The following HNRNPM variants were observed in gnomAD, a reference collection of about 807,000 sequenced individuals.
HNRNPM encodes the protein CEA receptor.
A neutral mutation model predicts 73.1 loss-of-function variants in HNRNPM; 11 were observed. The observed-to-expected ratio is 0.15, with a 90% CI of 0.09 to 0.25. HNRNPM has a LOEUF of 0.25. Ranked by LOEUF, HNRNPM falls within the 10% of genes least tolerant of loss-of-function variation. The pLI is 1.00. For synonymous variants in HNRNPM, 407 were observed against 355.2 expected (o/e 1.15, Z -1.64); for missense variants, 789 against 1,067.9 (o/e 0.74, Z 3.64).
At chr19:8,461,442 A>AT (rs929512786) in intron 2 of HNRNPM, among the ~76,000 whole-genome samples, 4 of 152,246 alleles carry the variant, frequency 2.6e-5, no homozygotes, top group Middle Eastern at 3.4e-3. Context: ...ACAAAAGCCC[A>AT]TTTTTTGCCT....
At chr19:8,458,674 A>G (rs1207256037) in intron 2 of HNRNPM, among the ~76,000 whole-genome samples, 3 of 152,258 alleles carry the variant, frequency 2.0e-5, no homozygotes, top group Non-Finnish European at 2.9e-5. Context: ...AGTCAGTTCA[A>G]CTTGTGTAAG....
Position 8,485,992 on chromosome 19 carries a change from A to G in HNRNPM, c.1564A>G (p.Ile522Val), listed in dbSNP as rs373994547. 2.5e-6 allele frequency: 4 copies of G among 1,602,532 alleles called. No individual in the cohort carries two copies. The highest frequency in any genetic ancestry group is 1.1e-5 in the South Asian group (1 of 91,032). ...TGGCGTGGAGCGCATGGGCCCTGCCATCGAGCGCATGGGCCTGAGCATGGA... is the reference window on the plus strand; with the variant it reads ...TGGCGTGGAGCGCATGGGCCCTGCCGTCGAGCGCATGGGCCTGAGCATGGA... ...GSGVERMGPA[I>V]ERMGLSMERM... Residue 522 changes from isoleucine to valine, a missense_variant, in exon 14 of 16, where the codon ATC (isoleucine) becomes GTC (valine). This residue lies in a region of HNRNPM where 604 missense variants were observed against 744.0 expected (regional missense o/e 0.81). Coordinates refer to ENST00000325495, the MANE Select transcript of HNRNPM (RefSeq NM_005968.5).
At chr19:8,452,712 G>A (rs529854416) in intron 1 of HNRNPM, among the ~76,000 whole-genome samples, 3 of 152,188 alleles carry the variant, frequency 2.0e-5, no homozygotes, top group African/African-American at 4.8e-5. Context: ...AGAGGAAGCT[G>A]CTTTCCTTGG....
chr19:8,468,525 A>G (rs534030608), intron 8 of HNRNPM, among the ~76,000 whole-genome samples: 17 of 152,312 alleles, frequency 1.1e-4, no homozygotes, highest in East Asian at 9.7e-4. Flanking sequence ...TAGTGTGAAG[A>G]TAGTGTGAGT....
chr19:8,453,614 T>A (rs1055659065), intron 1 of HNRNPM, among the ~76,000 whole-genome samples: 18 of 152,184 alleles, frequency 1.2e-4, no homozygotes, highest in Non-Finnish European at 2.9e-5. Context: ...TGTCATGGAT[T>A]ACAAATTCTG....
intron 12 of HNRNPM, among the ~76,000 whole-genome samples, chr19:8,480,470 G>C (rs1461839435): frequency 6.6e-6 from 1 of 151,778 alleles, no homozygotes. Context: ...TTTGAGACCA[G>C]CCTGGCCAAC....
At chr19:8,488,479 T>C in intron 15 of HNRNPM, 1 of 447,816 alleles carries the variant, frequency 2.2e-6, no homozygotes, top group Non-Finnish European at 4.0e-6. Context: ...AGGCGTGCAT[T>C]GAATCCGCCA....
intron 12 of HNRNPM, among the ~76,000 whole-genome samples, chr19:8,479,254 T>C (rs1203908234): frequency 1.3e-5 from 2 of 152,004 alleles, no homozygotes; most frequent in Non-Finnish European, 2.9e-5. Flanking sequence ...AATTTTCTTG[T>C]ATTTTTAATG....
At chr19:8,483,247 G>T in intron 13 of HNRNPM, 36 bp downstream of exon 13, 1 of 1,539,688 alleles carries the variant, frequency 6.5e-7, no homozygotes. Context: ...TGTTTTTTTA[G>T]AACAGGCTGT....
intron 6 of HNRNPM, 45 bp downstream of exon 6, chr19:8,465,560 A>T (rs926398606): frequency 3.3e-6 from 4 of 1,229,710 alleles, no homozygotes; most frequent in Non-Finnish European, 4.6e-6. Context: ...TCAGAACTTT[A>T]TGAAATGACC....
At chr19:8,465,716 G>A (rs771178307) in intron 6 of HNRNPM, among the ~76,000 whole-genome samples, 18 of 152,160 alleles carry the variant, frequency 1.2e-4, no homozygotes, top group African/African-American at 4.3e-4. Context: ...TCTCGTTGGG[G>A]CTGTGATTCC....
At chr19:8,475,905 CTTT>C (rs71175865) in intron 12 of HNRNPM, among the ~76,000 whole-genome samples, 8,191 of 114,338 alleles carry the variant, frequency 0.072, 423 homozygotes, top group African/African-American at 0.14. Context: ...CCATCTCTCT[CTTT>C]TTTTTTTTTT....
chr19:8,467,681 A>G, intron 8 of HNRNPM, 97 bp downstream of exon 8: 1 of 946,296 alleles, frequency 1.1e-6, no homozygotes, highest in South Asian at 1.3e-5. Flanking sequence ...ATATTTGTGG[A>G]TTAGTCTAAG....
chr19:8,473,514 T>C (rs539962091), intron 10 of HNRNPM, 150 bp from the exon 11 acceptor site: 1 of 615,094 alleles, frequency 1.6e-6, no homozygotes, highest in Non-Finnish European at 2.9e-6. Flanking sequence ...TAAGGGCTTT[T>C]TTTCTTGCTG....
At chr19:8,479,772 ATT>A (rs869126042) in intron 12 of HNRNPM, among the ~76,000 whole-genome samples, 1,511 of 41,586 alleles carry the variant, frequency 0.036, 48 homozygotes, top group African/African-American at 0.12. Flanking sequence ...AAAAAAAAAA[ATT>A]TTTTTTTTTT....
chr19:8,465,404 C>T lies in HNRNPM; in HGVS notation c.519C>T (p.Gly173=). 1 of 1,613,604 alleles carries T rather than the reference C, an allele frequency of 6.2e-7. No homozygotes were observed. Among genetic ancestry groups the T allele is most frequent in the Non-Finnish European group, 8.5e-7 (1 of 1,179,614 alleles). Residue 173 remains glycine (G), a synonymous_variant, in exon 6 of 16, where the codon GGC becomes GGT. Transcript: ENST00000325495. ...TTGGMGMGPG[G]PGMITIPPSI... Reference sequence around the variant, plus strand: ...GTGGGATGGGTATGGGACCAGGTGGCCCAGGAATGATTACTATCCCACCCA... The same window carrying T: ...GTGGGATGGGTATGGGACCAGGTGGTCCAGGAATGATTACTATCCCACCCA...
Position 8,447,049 on chromosome 19 carries a change from A to G in HNRNPM, c.113+1938A>G, listed in dbSNP as rs1383614251. Among the ~76,000 whole-genome samples, 4 of 152,110 alleles carry G rather than the reference A, an allele frequency of 2.6e-5. No individual in the cohort carries two copies. The East Asian group carries it at 7.7e-4, about 29-fold the overall frequency. ...GATAGGGTAAATTAATAGATTACAA[A>G]TTTTCCCTTTTCCCCTGTCCATTTT... is the stretch of plus-strand genomic sequence containing the variant. On this transcript the variant is annotated intron_variant, in intron 1 of 15. Transcript: ENST00000325495.
chr19:8,455,609 T>A (rs1213313339), intron 2 of HNRNPM, 35 bp downstream of exon 2: 1 of 1,568,204 alleles, frequency 6.4e-7, no homozygotes, highest in South Asian at 1.1e-5. Flanking sequence ...GGTGAGAAGG[T>A]TGGTGTGTCA....
chr19:8,445,343 A>C, intron 1 of HNRNPM: 1 of 386,692 alleles, frequency 2.6e-6, no homozygotes, highest in Non-Finnish European at 4.6e-6. Flanking sequence ...CAGTCCCTCC[A>C]GGCCGGGGCC....
Sources: gnomAD v4.1 joint callset for allele counts (sites outside exome capture counted in the v4.1 genomes callset) on GRCh38, gnomAD v4.1.1 for gene constraint, gnomAD v4.1.1 regional missense constraint, MANE v1.5 for transcripts, NCBI Gene and HGNC (gene_info 2026-07-23, HGNC 2026-07-21) for gene names.